Variants in LIN52 observed in about 807,000 individuals in gnomAD.
LIN52 encodes lin-52 DREAM MuvB core complex component.
A neutral mutation model predicts 18.5 loss-of-function variants in LIN52; 4 were observed. The observed-to-expected ratio is 0.22, with a 90% CI of 0.11 to 0.49. The LOEUF is 0.49. LIN52 is among the 20% of genes least tolerant of loss of function. The pLI is 0.97. For synonymous variants in LIN52, 34 were observed against 45.5 expected, an observed-to-expected ratio of 0.75 and a Z score of 1.02; for missense variants, 102 against 139.5, an observed-to-expected ratio of 0.73 and a Z score of 1.35.
intron 5 of LIN52, among the ~76,000 whole-genome samples, chr14:74,133,322 T>C (rs936023477): frequency 5.3e-5 from 8 of 152,246 alleles, no homozygotes; most frequent in Admixed American, 1.3e-4. Flanking sequence ...TCCCTTCCTA[T>C]ACTATTTTGT....
chr14:74,101,723 G>C (rs2060857799), intron 5 of LIN52, among the ~76,000 whole-genome samples: 1 of 152,110 alleles, frequency 6.6e-6, no homozygotes. Flanking sequence ...GCCTCCCAAA[G>C]TGCTGGGATT....
At chr14:74,191,133 A>G (rs1235799920) in intron 5 of LIN52, among the ~76,000 whole-genome samples, 1 of 152,268 alleles carries the variant, frequency 6.6e-6, no homozygotes, top group Non-Finnish European at 1.5e-5. Context: ...GCTCTGCGCC[A>G]GAGCCACAGG....
intron 5 of LIN52, among the ~76,000 whole-genome samples, chr14:74,103,758 T>G (rs1200316535): frequency 1.6e-5 from 2 of 126,320 alleles, no homozygotes; most frequent in East Asian, 2.2e-4. Context: ...TTTTTTTTTT[T>G]TTTTTTTTTT....
chr14:74,147,570 T>C (rs1192005789), intron 5 of LIN52, among the ~76,000 whole-genome samples: 1 of 152,148 alleles, frequency 6.6e-6, no homozygotes, highest in Admixed American at 6.5e-5. Flanking sequence ...TTATTCACAA[T>C]AGCTAAAAGG....
intron 5 of LIN52, among the ~76,000 whole-genome samples, chr14:74,195,827 C>T (rs1026348306): frequency 9.2e-5 from 14 of 152,170 alleles, no homozygotes; most frequent in Admixed American, 4.6e-4. Flanking sequence ...CTTCGCCCTG[C>T]AGCAGAGCAA....
chr14:74,110,827 G>A lies in LIN52; in HGVS notation c.283+9589G>A, dbSNP rs778376597. On this transcript the variant is annotated intron_variant, in intron 5 of 5. Transcript: ENST00000555028. ...AAAATACAAAAAAAGTTAGCCGGGC[G>A]TGGTGGTGGGCACCTGTAGTCCCAG... 9.3e-5 allele frequency among the ~76,000 whole-genome samples: 14 copies of A among 151,252 alleles called. No homozygotes were observed. In the East Asian group the frequency reaches 9.8e-4, roughly 11 times the overall value.
chr14:74,198,945 T>C lies in LIN52; in HGVS notation c.307T>C (p.Phe103Leu), dbSNP rs1469068364. The change falls in exon 6 of 6, where the codon TTC becomes CTC. Residue 103 changes from phenylalanine (F) to leucine (L), a missense_variant. Physicochemically the swap from Phe to Leu is conservative, Grantham distance 22 (BLOSUM62 0). Coordinates refer to ENST00000555028, the MANE Select transcript of LIN52 (RefSeq NM_001024674.3). Reference sequence around the variant, plus strand: ...AGCCAGAGAGATGACACGGGGGAAATTCCTCAATATTCTAGAGAAGCCCAA... The same window carrying C: ...AGCCAGAGAGATGACACGGGGGAAACTCCTCAATATTCTAGAGAAGCCCAA... ...DESREMTRGK[F>L]LNILEKPKK is the part of the protein sequence containing the mutation. 6.2e-7 allele frequency: 1 copy of C among 1,613,246 alleles called. No homozygotes were observed. The highest frequency in any genetic ancestry group is 8.5e-7 in the Non-Finnish European group (1 of 1,179,464).
chr14:74,128,021 T>A (rs557083360), intron 5 of LIN52, among the ~76,000 whole-genome samples: 2 of 152,284 alleles, frequency 1.3e-5, no homozygotes, highest in South Asian at 4.1e-4. Flanking sequence ...ACTTGGTATG[T>A]CAGGGACTAG....
chr14:74,122,263 G>A (rs568317722), intron 5 of LIN52, among the ~76,000 whole-genome samples: 1 of 152,132 alleles, frequency 6.6e-6, no homozygotes, highest in East Asian at 1.9e-4. Context: ...TAATTATATT[G>A]TAGCTATGTA....
At chr14:74,107,634 A>G (rs542518664) in intron 5 of LIN52, among the ~76,000 whole-genome samples, 2 of 152,158 alleles carry the variant, frequency 1.3e-5, no homozygotes, top group African/African-American at 4.8e-5. Context: ...ACTTTTTAAG[A>G]TAAGAATCAT....
chr14:74,122,154 G>A (rs776036607), intron 5 of LIN52, among the ~76,000 whole-genome samples: 3 of 152,086 alleles, frequency 2.0e-5, no homozygotes, highest in African/African-American at 7.2e-5. Context: ...ATTGCTAAAC[G>A]GAACTGTAGT....
intron 5 of LIN52, among the ~76,000 whole-genome samples, chr14:74,155,555 A>G (rs1330855235): frequency 6.6e-6 from 1 of 152,180 alleles, no homozygotes; most frequent in Non-Finnish European, 1.5e-5. Flanking sequence ...CTGCCCCTTC[A>G]TTCTCCCCTC....
chr14:74,103,951 T>G (rs978458944), intron 5 of LIN52, among the ~76,000 whole-genome samples: 6 of 150,218 alleles, frequency 4.0e-5, no homozygotes, highest in African/African-American at 1.5e-4. Flanking sequence ...GAGGTTGAAG[T>G]GCAGTGGCGC....
chr14:74,137,076 CT>C (rs1358470589), intron 5 of LIN52, among the ~76,000 whole-genome samples: 2 of 151,776 alleles, frequency 1.3e-5, no homozygotes, highest in East Asian at 3.9e-4. Flanking sequence ...ATTAAGTCTT[CT>C]TTTCCTCCAA....
intron 5 of LIN52, among the ~76,000 whole-genome samples, chr14:74,111,705 G>A (rs900144888): frequency 6.6e-6 from 1 of 151,290 alleles, no homozygotes; most frequent in Admixed American, 6.6e-5. Context: ...GGCCAATTAA[G>A]TCCTACCTCT....
intron 5 of LIN52, among the ~76,000 whole-genome samples, chr14:74,116,881 G>T (rs1375044722): frequency 2.0e-5 from 3 of 149,084 alleles, no homozygotes; most frequent in African/African-American, 7.4e-5. Flanking sequence ...ATGGCTGGAA[G>T]GAAATACACC....
At chr14:74,193,002 C>T (rs2078888683) in intron 5 of LIN52, among the ~76,000 whole-genome samples, 1 of 152,044 alleles carries the variant, frequency 6.6e-6, no homozygotes, top group Non-Finnish European at 1.5e-5. Flanking sequence ...GGCATTTGTG[C>T]ACAAGCATAT....
At chr14:74,182,215 T>C (rs1264328894) in intron 5 of LIN52, among the ~76,000 whole-genome samples, 2 of 152,186 alleles carry the variant, frequency 1.3e-5, no homozygotes, top group Admixed American at 6.5e-5. Context: ...TTTTGCTGTG[T>C]TGCCCAGGCT....
rs112382915 is a variant in LIN52 at position 74,158,402 on chromosome 14, C to T, written c.284-40520C>T. 3.9e-3 allele frequency among the ~76,000 whole-genome samples: 579 copies of T among 150,170 alleles called. 4 individuals are homozygous for T. The highest frequency in any genetic ancestry group is 0.013 in the African/African-American group (536 of 40,960). ...TGCTGGGATTATAGGCGTGAGCCAC[C>T]GTGCGTGGCCCGCCCCCTACTGCTG... On this transcript the variant is annotated intron_variant, in intron 5 of 5. Coordinates refer to ENST00000555028, the MANE Select transcript of LIN52 (RefSeq NM_001024674.3).
Sources: gnomAD v4.1 joint callset for allele counts (sites outside exome capture counted in the v4.1 genomes callset) on GRCh38, gnomAD v4.1.1 for gene constraint, MANE v1.5 for transcripts, NCBI Gene and HGNC (gene_info 2026-07-23, HGNC 2026-07-21) for gene names.